SGCD: variants seen among roughly 807,000 people sequenced by gnomAD.
SGCD encodes delta-sarcoglycan.
A neutral mutation model predicts 36.6 loss-of-function variants in SGCD; 18 were observed. The observed-to-expected ratio is 0.49, with a 90% confidence interval of 0.34 to 0.73. The LOEUF (loss-of-function observed/expected upper bound fraction) is 0.73. Ranked by LOEUF, SGCD falls within the 30% of genes least tolerant of loss-of-function variation. SGCD has a pLI of 0.01. For missense variants in SGCD, 387 were observed against 346.7 expected, an observed-to-expected ratio of 1.12 and a Z score of -0.92; for synonymous variants, 133 against 130.6, an observed-to-expected ratio of 1.02 and a Z score of -0.12.
At chr5:156,071,424 C>A (rs1473581026) in intron 1 of SGCD, among the ~76,000 whole-genome samples, 1 of 152,090 alleles carries the variant, frequency 6.6e-6, no homozygotes, top group South Asian at 2.1e-4. Context: ...GTTCAGTTTC[C>A]ATGTAGTTGA....
chr5:156,300,438 C>T (rs1767023626), intron 3 of SGCD, among the ~76,000 whole-genome samples: 3 of 151,942 alleles, frequency 2.0e-5, no homozygotes, highest in African/African-American at 7.2e-5. Flanking sequence ...CAAAATTCCT[C>T]TTGTAATTGA....
intron 7 of SGCD, among the ~76,000 whole-genome samples, chr5:156,691,365 T>C (rs1414778698): frequency 1.3e-5 from 2 of 152,138 alleles, no homozygotes; most frequent in African/African-American, 2.4e-5. Context: ...TCAATAGCTA[T>C]GTGGCTGCTA....
chr5:156,296,256 G>A (rs964250699), intron 3 of SGCD, among the ~76,000 whole-genome samples: 2 of 152,162 alleles, frequency 1.3e-5, no homozygotes, highest in African/African-American at 4.8e-5. Context: ...GGATGTATAA[G>A]GCAGATATCT....
chr5:156,167,496 A>T (rs902402743), intron 3 of SGCD, among the ~76,000 whole-genome samples: 2 of 152,118 alleles, frequency 1.3e-5, no homozygotes, highest in Admixed American at 6.5e-5. Flanking sequence ...TCCAAATCTC[A>T]TGTTGAAATG....
At chr5:156,225,375 A>G (rs1241040899) in intron 3 of SGCD, among the ~76,000 whole-genome samples, 1 of 152,152 alleles carries the variant, frequency 6.6e-6, no homozygotes, top group Non-Finnish European at 1.5e-5. Context: ...GCTACTTAAC[A>G]CAAAACTTTT....
At chr5:156,332,988 A>G (rs528923711) in intron 2 of SGCD, among the ~76,000 whole-genome samples, 3 of 152,256 alleles carry the variant, frequency 2.0e-5, no homozygotes, top group Non-Finnish European at 4.4e-5. Flanking sequence ...ACATATCTAC[A>G]TGAAAGCATG....
chr5:156,646,564 G>A (rs1353353344), intron 6 of SGCD, among the ~76,000 whole-genome samples: 1 of 152,116 alleles, frequency 6.6e-6, no homozygotes, highest in Non-Finnish European at 1.5e-5. Flanking sequence ...TTATAACAAT[G>A]TAAGAGGATT....
At chr5:156,245,021 C>T (rs546007548) in intron 3 of SGCD, among the ~76,000 whole-genome samples, 3 of 152,300 alleles carry the variant, frequency 2.0e-5, no homozygotes, top group Admixed American at 6.5e-5. Flanking sequence ...GTAACCACAA[C>T]GCAGATACTC....
chr5:155,975,909 CGTGAG>C (rs1414725141), intron 1 of SGCD, among the ~76,000 whole-genome samples: 2 of 151,720 alleles, frequency 1.3e-5, no homozygotes, highest in African/African-American at 4.8e-5. Flanking sequence ...GGATTACAGG[CGTGAG>C]CCACTGCGCT....
intron 3 of SGCD, among the ~76,000 whole-genome samples, chr5:156,446,347 G>A (rs1215049543): frequency 4.6e-5 from 7 of 152,138 alleles, no homozygotes; most frequent in Non-Finnish European, 1.0e-4. Flanking sequence ...TTGCACTGGG[G>A]TAGGAGGTAA....
At chr5:155,918,628 TA>T in intron 1 of SGCD, among the ~76,000 whole-genome samples, 1 of 152,186 alleles carries the variant, frequency 6.6e-6, no homozygotes, top group East Asian at 1.9e-4. Context: ...TGGGGCCACA[TA>T]TTTCTAGAAC....
At chr5:155,973,383 A>C (rs1436008011) in intron 1 of SGCD, among the ~76,000 whole-genome samples, 1 of 152,178 alleles carries the variant, frequency 6.6e-6, no homozygotes, top group Non-Finnish European at 1.5e-5. Flanking sequence ...GAAGGTTTTT[A>C]AGGAGAATGT....
the SGCD span, among the ~76,000 whole-genome samples, chr5:155,832,340 G>A: frequency 1.3e-5 from 2 of 152,098 alleles, no homozygotes; most frequent in African/African-American, 4.8e-5. Flanking sequence ...TCTCCATATG[G>A]TAGCAGCCTA....
At chr5:156,526,918 G>T (rs1432160492) in intron 4 of SGCD, among the ~76,000 whole-genome samples, 1 of 152,220 alleles carries the variant, frequency 6.6e-6, no homozygotes, top group Admixed American at 6.5e-5. Context: ...TACTAGAAAT[G>T]TAAGAGTTAC....
chr5:155,954,006 T>C (rs1757595312), intron 1 of SGCD, among the ~76,000 whole-genome samples: 1 of 152,150 alleles, frequency 6.6e-6, no homozygotes. Flanking sequence ...GAGACAGATA[T>C]TTTTATTATT....
intron 1 of SGCD, among the ~76,000 whole-genome samples, chr5:155,979,978 C>T (rs955176290): frequency 6.6e-6 from 1 of 152,022 alleles, no homozygotes; most frequent in South Asian, 2.1e-4. Context: ...ATGAGGGTTC[C>T]ACCTTCATGA....
chr5:156,683,795 A>G (rs934230237), intron 7 of SGCD, among the ~76,000 whole-genome samples: 1 of 152,214 alleles, frequency 6.6e-6, no homozygotes, highest in African/African-American at 2.4e-5. Context: ...AAGACAAATC[A>G]TAATTGATTC....
chr5:156,244,206 G>A (rs888473124), intron 3 of SGCD, among the ~76,000 whole-genome samples: 2 of 151,974 alleles, frequency 1.3e-5, no homozygotes, highest in Non-Finnish European at 2.9e-5. Flanking sequence ...ACAAAACATC[G>A]GACACACCAA....
intron 1 of SGCD, among the ~76,000 whole-genome samples, chr5:156,038,706 C>G (rs371058605): frequency 2.2e-4 from 33 of 152,166 alleles, no homozygotes; most frequent in African/African-American, 6.7e-4. Context: ...TTACTTTGTT[C>G]CTTACTTTGT....
Sources: allele counts gnomAD v4.1 joint callset (sites outside exome capture counted in the v4.1 genomes callset), GRCh38; gene constraint gnomAD v4.1.1; transcripts MANE v1.5; gene names NCBI Gene and HGNC (gene_info 2026-07-23, HGNC 2026-07-21).